BMP2K: variants seen among roughly 807,000 people sequenced by gnomAD.
BMP2K encodes the protein BMP-2-inducible protein kinase.
BMP2K carries 74 observed loss-of-function variants against 116.0 expected under a neutral mutation model. The observed-to-expected ratio is 0.64, with a 90% CI of 0.53 to 0.77. BMP2K has a LOEUF of 0.77. BMP2K is among the 30% of genes least tolerant of loss of function. The probability of loss-of-function intolerance (pLI) is 0.00; values close to 1 mark genes in which losing one functional copy is unlikely to be tolerated. For missense variants in BMP2K, 1,365 were observed against 1,403.6 expected (o/e 0.97, Z 0.44); for synonymous variants, 486 against 502.5 (o/e 0.97, Z 0.44).
rs909588777 is a variant in BMP2K at position 78,915,805 on chromosome 4, TTTTTG to T, written c.*3777_*3781del. On this transcript the variant is annotated 3_prime_UTR_variant, in exon 16 of 16. Coordinates refer to ENST00000502613, the MANE Select transcript of BMP2K (RefSeq NM_198892.2). ...TGCAAAGGGTCATGATTTGGGGTTA[TTTTTG>T]TTTTATTTTAAAATTTATACTGCTA... 10 of 151,912 alleles carry T rather than the reference TTTTTG, an allele frequency of 6.6e-5. No individual in the cohort carries two copies. The highest frequency in any genetic ancestry group is 1.4e-4 in the African/African-American group (6 of 41,396). 9.4% of individuals were successfully genotyped at this position (151,912 alleles called of 1,614,324 possible).
At position 78,911,509 on chromosome 4, in the gene BMP2K, G is replaced by T; in HGVS notation, c.2962G>T (p.Asp988Tyr). ...CTCTCGCCAAAGGCGCACAAAGCAG[G>T]ATATGTCCAAAAGTAATGGGAAGCG... ...LSSRQRRTKQ[D>Y]MSKSNGKRHH... Residue 988 changes from aspartate (D) to tyrosine (Y), a missense_variant, in exon 16 of 16, where the codon GAT (aspartate) becomes TAT (tyrosine). Coordinates refer to ENST00000502613, the MANE Select transcript of BMP2K (RefSeq NM_198892.2). 1.9e-6 allele frequency: 3 copies of T among 1,614,036 alleles called. No individual in the cohort carries two copies. Among genetic ancestry groups the T allele is most frequent in the Non-Finnish European group, 2.5e-6 (3 of 1,179,906 alleles).
intron 12 of BMP2K, 39 bp from the exon 13 acceptor site, chr4:78,872,575 C>A: frequency 6.3e-7 from 1 of 1,583,674 alleles, no homozygotes. Flanking sequence ...TGCTTTAGGA[C>A]TGGAGCATTG....
Position 78,878,775 on chromosome 4 carries a change from A to G in BMP2K, c.1835A>G (p.Gln612Arg), listed in dbSNP as rs763108767. 21 of 1,612,752 alleles carry G rather than the reference A, an allele frequency of 1.3e-5. No homozygotes were observed. The highest frequency in any genetic ancestry group is 1.8e-5 in the Non-Finnish European group (21 of 1,179,654). ...GAGGCCATTGCAAATTTCACAAATCAGAAGAACATCAGCAATCCACCTGAT... is the reference window on the plus strand; with the variant it reads ...GAGGCCATTGCAAATTTCACAAATCGGAAGAACATCAGCAATCCACCTGAT... Reference protein sequence around the residue: ...DKEAIANFTNQKNISNPPDMS... With the variant: ...DKEAIANFTNRKNISNPPDMS... Residue 612 changes from glutamine to arginine, a missense_variant, in exon 14 of 16, where the codon CAG becomes CGG. Transcript: ENST00000502613.
intron 3 of BMP2K, among the ~76,000 whole-genome samples, chr4:78,836,959 G>T (rs944148452): frequency 7.2e-5 from 11 of 152,054 alleles, no homozygotes; most frequent in African/African-American, 2.7e-4. Context: ...GTGCCTTACT[G>T]TGTGTCATTT....
At chr4:78,876,224 A>G (rs1200158701) in intron 13 of BMP2K, among the ~76,000 whole-genome samples, 1 of 151,940 alleles carries the variant, frequency 6.6e-6, no homozygotes, top group Non-Finnish European at 1.5e-5. Flanking sequence ...GGGGATGCCC[A>G]TCTCTCTTTG....
At chr4:78,893,580 T>C (rs929689658) in intron 15 of BMP2K, among the ~76,000 whole-genome samples, 1 of 152,222 alleles carries the variant, frequency 6.6e-6, no homozygotes, top group African/African-American at 2.4e-5. Flanking sequence ...ATAAGACTTT[T>C]AAAAATGGGT....
intron 1 of BMP2K, among the ~76,000 whole-genome samples, chr4:78,794,873 A>G (rs1728178427): frequency 6.6e-6 from 1 of 152,172 alleles, no homozygotes; most frequent in East Asian, 1.9e-4. Flanking sequence ...TCATAAAGTT[A>G]TGGGATGTTT....
At chr4:78,861,726 T>G (rs1294561994) in intron 9 of BMP2K, among the ~76,000 whole-genome samples, 2 of 151,936 alleles carry the variant, frequency 1.3e-5, no homozygotes, top group Admixed American at 6.6e-5. Context: ...CAGCGGGTCT[T>G]TTTTTTGGAC....
At chr4:78,817,079 A>G (rs1729387251) in intron 1 of BMP2K, among the ~76,000 whole-genome samples, 1 of 152,250 alleles carries the variant, frequency 6.6e-6, no homozygotes, top group Admixed American at 6.5e-5. Context: ...TCAGTTTTGA[A>G]TATTGGATAG....
intron 3 of BMP2K, among the ~76,000 whole-genome samples, chr4:78,840,114 A>G (rs1200717816): frequency 6.6e-6 from 1 of 150,384 alleles, no homozygotes; most frequent in African/African-American, 2.5e-5. Context: ...TAATATGTGT[A>G]CTCAGATAGG....
chr4:78,906,976 G>T (rs904009920), intron 15 of BMP2K, among the ~76,000 whole-genome samples: 3 of 152,008 alleles, frequency 2.0e-5, no homozygotes, highest in Non-Finnish European at 4.4e-5. Context: ...GGGAATCATA[G>T]TATATAAATA....
At chr4:78,870,726 C>A in intron 10 of BMP2K, 57 bp from the exon 11 acceptor site, 1 of 1,537,994 alleles carries the variant, frequency 6.5e-7, no homozygotes, top group Non-Finnish European at 8.7e-7. Context: ...TGTTGAAATC[C>A]AGCTTTTTAA....
At chr4:78,859,406 G>A (rs942271642) in intron 7 of BMP2K, 178 bp from the exon 8 acceptor site, 1 of 469,986 alleles carries the variant, frequency 2.1e-6, no homozygotes, top group African/African-American at 2.0e-5. Context: ...TTGGGATAAT[G>A]CTTTATTTAT....
chr4:78,857,979 A>G (rs1050896989), intron 7 of BMP2K, among the ~76,000 whole-genome samples: 3 of 151,940 alleles, frequency 2.0e-5, no homozygotes, highest in Non-Finnish European at 4.4e-5. Flanking sequence ...TCAACCCCCA[A>G]GCCACTATTT....
chr4:78,825,644 T>C (rs1729832037), intron 1 of BMP2K, among the ~76,000 whole-genome samples: 1 of 152,244 alleles, frequency 6.6e-6, no homozygotes, highest in Non-Finnish European at 1.5e-5. Flanking sequence ...TCTGATCCCA[T>C]TGATGTCTCA....
At chr4:78,810,704 G>A (rs1202219427) in intron 1 of BMP2K, among the ~76,000 whole-genome samples, 3 of 152,172 alleles carry the variant, frequency 2.0e-5, no homozygotes, top group Admixed American at 2.0e-4. Context: ...TACTGTGGTT[G>A]TGAGCTGTAT....
intron 10 of BMP2K, among the ~76,000 whole-genome samples, chr4:78,866,502 A>G (rs899532704): frequency 6.6e-6 from 1 of 152,086 alleles, no homozygotes; most frequent in African/African-American, 2.4e-5. Flanking sequence ...AAGTACTAGT[A>G]CCTATCTTAA....
intron 1 of BMP2K, among the ~76,000 whole-genome samples, chr4:78,824,641 A>G (rs1382684972): frequency 6.6e-6 from 1 of 152,106 alleles, no homozygotes; most frequent in African/African-American, 2.4e-5. Flanking sequence ...TTCCCCTATT[A>G]TGTATTCCTA....
At chr4:78,856,884 T>G (rs1168855357) in intron 7 of BMP2K, among the ~76,000 whole-genome samples, 1 of 152,148 alleles carries the variant, frequency 6.6e-6, no homozygotes, top group Non-Finnish European at 1.5e-5. Context: ...AAATAACCTG[T>G]TCTGAAAGAA....
Sources: allele counts gnomAD v4.1 joint callset (sites outside exome capture counted in the v4.1 genomes callset), GRCh38; gene constraint gnomAD v4.1.1; transcripts MANE v1.5; gene names NCBI Gene and HGNC (gene_info 2026-07-23, HGNC 2026-07-21).